Variants in PTPRG observed in about 807,000 individuals in gnomAD.
PTPRG encodes receptor-type tyrosine-protein phosphatase gamma.
Under a neutral mutation model 165.3 loss-of-function variants are expected in PTPRG, and 102 were observed. The observed-to-expected ratio is 0.62, with a 90% CI of 0.53 to 0.73. PTPRG has a LOEUF of 0.73. Ranked by LOEUF, PTPRG falls within the 30% of genes least tolerant of loss-of-function variation. PTPRG has a pLI of 0.00. For missense variants in PTPRG, 1,866 were observed against 1,861.4 expected, an observed-to-expected ratio of 1.00 and a Z score of -0.05; for synonymous variants, 675 against 669.5, an observed-to-expected ratio of 1.01 and a Z score of -0.13.
chr3:62,030,959 T>C (rs1699750413), intron 4 of PTPRG, among the ~76,000 whole-genome samples: 1 of 152,212 alleles, frequency 6.6e-6, no homozygotes, highest in Admixed American at 6.5e-5. Flanking sequence ...AATTTGTTGG[T>C]GTAAACCAAT....
At chr3:62,098,201 C>G (rs1226475384) in intron 5 of PTPRG, among the ~76,000 whole-genome samples, 1 of 151,742 alleles carries the variant, frequency 6.6e-6, no homozygotes, top group Non-Finnish European at 1.5e-5. Context: ...CCTCCATATC[C>G]TTGGGTTCTA....
At chr3:62,134,520 CCTT>C (rs1278586506) in intron 6 of PTPRG, among the ~76,000 whole-genome samples, 1 of 152,148 alleles carries the variant, frequency 6.6e-6, no homozygotes, top group Non-Finnish European at 1.5e-5. Flanking sequence ...AAGGGTGTCT[CCTT>C]CTTATGCCTT....
chr3:61,801,859 A>T (rs763028311), intron 2 of PTPRG, among the ~76,000 whole-genome samples: 1 of 152,088 alleles, frequency 6.6e-6, no homozygotes, highest in Non-Finnish European at 1.5e-5. Flanking sequence ...CTCTACTAAA[A>T]ATACACACAC....
At chr3:61,706,690 A>T (rs968772039) in intron 1 of PTPRG, among the ~76,000 whole-genome samples, 3 of 151,916 alleles carry the variant, frequency 2.0e-5, no homozygotes, top group Non-Finnish European at 4.4e-5. Flanking sequence ...GGGTTTCACC[A>T]TGTTGGCCAG....
rs2035542849 is a variant in PTPRG at position 61,810,486 on chromosome 3, A to C, written c.190+61504A>C. On this transcript the variant is annotated intron_variant, in intron 2 of 29. Transcript: ENST00000474889. ...TCTTTTTAGGTGCCCTGTATAAGCAACGACAGTGCGAAGGGATACCTTATT... is the reference window on the plus strand; with the variant it reads ...TCTTTTTAGGTGCCCTGTATAAGCACCGACAGTGCGAAGGGATACCTTATT... 2.6e-5 allele frequency among the ~76,000 whole-genome samples: 4 copies of C among 152,204 alleles called. No individual in the cohort carries two copies. In the South Asian group the frequency reaches 8.3e-4, roughly 32 times the overall value.
chr3:62,183,537 C>G lies in PTPRG; in HGVS notation c.1034-7932C>G, dbSNP rs371622149. The stretch of plus-strand genomic sequence containing the variant: ...CAAGATTACACCACTGCACTCCAGC[C>G]TAGGCGACAGAGTGAGACTCGTCTC... On this transcript the variant is annotated intron_variant, in intron 8 of 29. Coordinates refer to ENST00000474889, the MANE Select transcript of PTPRG (RefSeq NM_002841.4). Among the ~76,000 whole-genome samples the G allele has an allele frequency of 4.0e-5, 6 of 149,854 alleles. No individual in the cohort carries two copies. The East Asian group carries it at 5.9e-4, about 15-fold the overall frequency.
At chr3:62,061,902 T>A (rs2106692568) in intron 4 of PTPRG, among the ~76,000 whole-genome samples, 1 of 151,882 alleles carries the variant, frequency 6.6e-6, no homozygotes, top group East Asian at 2.0e-4. Context: ...AGTGTTAGGA[T>A]TACAGGCGTG....
At chr3:61,896,537 C>T (rs1159052220) in intron 2 of PTPRG, among the ~76,000 whole-genome samples, 1 of 152,116 alleles carries the variant, frequency 6.6e-6, no homozygotes, top group Non-Finnish European at 1.5e-5. Flanking sequence ...TTTCTATGAA[C>T]CTACATTTTC....
intron 2 of PTPRG, among the ~76,000 whole-genome samples, chr3:61,846,461 C>T (rs1383147237): frequency 6.6e-6 from 1 of 152,192 alleles, no homozygotes; most frequent in Non-Finnish European, 1.5e-5. Flanking sequence ...GATTCCCTTC[C>T]TGACTCTGAG....
At chr3:61,684,214 A>G (rs1575588300) in intron 1 of PTPRG, among the ~76,000 whole-genome samples, 1 of 152,070 alleles carries the variant, frequency 6.6e-6, no homozygotes. Flanking sequence ...TGTTTCCCCT[A>G]TGGGAGTGTA....
intron 1 of PTPRG, among the ~76,000 whole-genome samples, chr3:61,648,051 A>T (rs1292814821): frequency 6.6e-6 from 1 of 152,138 alleles, no homozygotes; most frequent in Non-Finnish European, 1.5e-5. Flanking sequence ...AGCCCAAGAC[A>T]GGCTGCAACT....
At chr3:62,068,749 T>C (rs1476327750) in intron 4 of PTPRG, among the ~76,000 whole-genome samples, 2 of 152,180 alleles carry the variant, frequency 1.3e-5, no homozygotes, top group African/African-American at 4.8e-5. Flanking sequence ...AAAAACATCC[T>C]GGCACCCAAG....
At chr3:62,282,599 G>T in intron 27 of PTPRG, 128 bp from the exon 28 acceptor site, 1 of 868,056 alleles carries the variant, frequency 1.2e-6, no homozygotes, top group Non-Finnish European at 1.7e-6. Context: ...TCCAGCTGTG[G>T]TTTGGTTAAC....
chr3:61,994,870 C>T (rs974425326), intron 3 of PTPRG, among the ~76,000 whole-genome samples: 4 of 152,124 alleles, frequency 2.6e-5, no homozygotes, highest in East Asian at 1.9e-4. Flanking sequence ...GGGTAACTAC[C>T]CCTCCCCAAG....
At chr3:62,079,529 A>C (rs1022369002) in intron 5 of PTPRG, among the ~76,000 whole-genome samples, 3 of 152,246 alleles carry the variant, frequency 2.0e-5, no homozygotes, top group African/African-American at 7.2e-5. Flanking sequence ...TTGTTTATGC[A>C]CAGTAAAGCA....
intron 1 of PTPRG, among the ~76,000 whole-genome samples, chr3:61,585,482 C>T (rs532590519): frequency 1.3e-5 from 2 of 151,724 alleles, no homozygotes; most frequent in Non-Finnish European, 2.9e-5. Context: ...GTGGTGGCTC[C>T]CACCTAAATC....
rs767479285 is a variant in PTPRG at position 61,894,301 on chromosome 3, CAAAAAAAAAAAAAAAAAAAAAA to C, written c.191-95312_191-95291del. Among the ~76,000 whole-genome samples, 129 of 49,860 alleles carry C rather than the reference CAAAAAAAAAAAAAAAAAAAAAA, an allele frequency of 2.6e-3. 2 individuals carry two copies. The East Asian group carries it at 0.049, about 19-fold the overall frequency. The allele number at this position is 49,860 out of a possible 152,430, so 32.7% of individuals were successfully genotyped here. ...CGGGCAACAGAGCAAGACTCTGTGTCAAAAAAAAAAAAAAAAAAAAAAAAAAAAAAAAAGGTCAGCTTTTATC... is the reference window on the plus strand; with the variant it reads ...CGGGCAACAGAGCAAGACTCTGTGTCAAAAAAAAAAAGGTCAGCTTTTATC... On this transcript the variant is annotated intron_variant, in intron 2 of 29. Coordinates refer to ENST00000474889, the MANE Select transcript of PTPRG (RefSeq NM_002841.4).
intron 28 of PTPRG, among the ~76,000 whole-genome samples, chr3:62,288,815 C>G (rs370420279): frequency 1.0e-3 from 157 of 151,958 alleles, no homozygotes; most frequent in African/African-American, 3.7e-3. Flanking sequence ...GGGGACGAAA[C>G]AGAAATGAAA....
intron 1 of PTPRG, among the ~76,000 whole-genome samples, chr3:61,690,414 C>T (rs917042968): frequency 3.9e-5 from 6 of 152,140 alleles, no homozygotes; most frequent in Non-Finnish European, 2.9e-5. Context: ...TTGATAGGGA[C>T]GTATTAAATA....
Sources: gnomAD v4.1 joint callset for allele counts (sites outside exome capture counted in the v4.1 genomes callset) on GRCh38, gnomAD v4.1.1 for gene constraint, MANE v1.5 for transcripts, NCBI Gene and HGNC (gene_info 2026-07-23, HGNC 2026-07-21) for gene names.